CCNT1: variants seen among roughly 807,000 people sequenced by gnomAD.
CCNT1 encodes the protein cyclin T1.
Under a neutral mutation model 67.3 loss-of-function variants are expected in CCNT1, and 18 were observed. The observed-to-expected ratio is 0.27, with a 90% CI of 0.18 to 0.40. The LOEUF is 0.40. CCNT1 is among the 10% of genes least tolerant of loss of function. CCNT1 has a pLI of 1.00. For synonymous variants in CCNT1, 333 were observed against 310.3 expected, an observed-to-expected ratio of 1.07 and a Z score of -0.77; for missense variants, 744 against 884.9, an observed-to-expected ratio of 0.84 and a Z score of 2.02.
chr12:48,711,192 C>G (rs1341421774), intron 2 of CCNT1, among the ~76,000 whole-genome samples: 1 of 151,872 alleles, frequency 6.6e-6, no homozygotes, highest in Non-Finnish European at 1.5e-5. Context: ...CAAGCCTGGC[C>G]AACATAGTGA....
intron 8 of CCNT1, among the ~76,000 whole-genome samples, chr12:48,694,868 A>T (rs529882627): frequency 6.6e-6 from 1 of 152,228 alleles, no homozygotes; most frequent in East Asian, 1.9e-4. Flanking sequence ...TTTGTCATCC[A>T]GGCTGGAGTG....
intron 1 of CCNT1, among the ~76,000 whole-genome samples, chr12:48,714,898 T>C (rs1940510742): frequency 6.6e-6 from 1 of 151,964 alleles, no homozygotes; most frequent in African/African-American, 2.4e-5. Flanking sequence ...CTGAAACCTC[T>C]ACCTCCCAAA....
chr12:48,714,705 C>T (rs7138930), intron 1 of CCNT1, among the ~76,000 whole-genome samples, 181 bp from the exon 2 acceptor site: 112,542 of 152,224 alleles, frequency 0.74, 42,717 homozygotes, highest in East Asian at 0.99. Flanking sequence ...TAATCGCCAA[C>T]TGACACTTAG....
rs144551965 is a variant in CCNT1 at position 48,706,036 on chromosome 12, C to A, written c.244-140G>T. ...CACCTCTTTACCCTTTCCCGCCCCC[C>A]CGCTTCTACCATCTTCCCCTCTCCT... On this transcript the variant is annotated intron_variant, in intron 2 of 8. Coordinates refer to ENST00000261900, the MANE Select transcript of CCNT1 (RefSeq NM_001240.4). 3.1e-4 allele frequency: 204 copies of A among 668,146 alleles called. No homozygotes were observed. In the African/African-American group the frequency reaches 3.4e-3, roughly 11 times the overall value. The allele number at this position is 668,146 out of a possible 1,614,324, so 41.4% of individuals were successfully genotyped here. A position where few individuals can be genotyped will look rare whatever the true frequency, so the allele number is the denominator to read the frequency against.
At chr12:48,714,644 T>C (rs538367199) in intron 1 of CCNT1, 120 bp from the exon 2 acceptor site, 18 of 620,892 alleles carry the variant, frequency 2.9e-5, no homozygotes, top group South Asian at 1.8e-4. Flanking sequence ...ATGAAAATCA[T>C]ACTTATCTCT....
intron 3 of CCNT1, among the ~76,000 whole-genome samples, chr12:48,703,556 A>G (rs183478253): frequency 0.013 from 2,001 of 150,794 alleles, 42 homozygotes; most frequent in African/African-American, 0.047. Context: ...CTGGGCAACA[A>G]GAGCAAAACT....
intron 2 of CCNT1, among the ~76,000 whole-genome samples, chr12:48,709,975 C>T (rs1022072145): frequency 8.6e-5 from 13 of 151,950 alleles, no homozygotes. Context: ...ACTGCAACCT[C>T]CACCTCCCGG....
chr12:48,703,285 C>CA (rs1244252715), intron 3 of CCNT1, among the ~76,000 whole-genome samples: 1 of 151,444 alleles, frequency 6.6e-6, no homozygotes, highest in Non-Finnish European at 1.5e-5. Flanking sequence ...TCAAAAAAAA[C>CA]AAAGCTGGCT....
intron 2 of CCNT1, among the ~76,000 whole-genome samples, chr12:48,706,865 G>C (rs1940368641): frequency 6.6e-6 from 1 of 152,060 alleles, no homozygotes; most frequent in Non-Finnish European, 1.5e-5. Flanking sequence ...TCAACTCATA[G>C]TATTGATTTC....
intron 6 of CCNT1, 50 bp downstream of exon 6, chr12:48,698,088 G>A (rs780086066): frequency 8.1e-7 from 1 of 1,235,044 alleles, no homozygotes; most frequent in Non-Finnish European, 1.1e-6. Context: ...TCAAACTCAA[G>A]TAAAGTCCTA....
chr12:48,710,046 C>CA (rs1305771563), intron 2 of CCNT1, among the ~76,000 whole-genome samples: 1 of 152,062 alleles, frequency 6.6e-6, no homozygotes, highest in Non-Finnish European at 1.5e-5. Context: ...TGCACGCCAC[C>CA]ATGCCCGGCT....
Position 48,693,555 on chromosome 12 carries a change from G to A in CCNT1, c.1659C>T (p.Asn553=). 1 of 1,614,132 alleles carries A rather than the reference G, an allele frequency of 6.2e-7. No homozygotes were observed. The highest frequency in any genetic ancestry group is 8.5e-7 in the Non-Finnish European group (1 of 1,180,042). The stretch of plus-strand genomic sequence containing the variant: ...ACAAGCTATAGGTTTTATGTGCTAA[G>A]TTGCTTGTCTGGCTACTATGTTTTG... ...GDPKHSSQTS[N]LAHKTYSLSS... The change falls in exon 9 of 9, where the codon AAC becomes AAT. Residue 553 remains asparagine, a synonymous_variant. Transcript: ENST00000261900.
chr12:48,704,418 C>T (rs907390850), intron 3 of CCNT1, among the ~76,000 whole-genome samples: 13 of 152,168 alleles, frequency 8.5e-5, no homozygotes, highest in African/African-American at 2.9e-4. Flanking sequence ...ACTGCCCATG[C>T]AAGGGATCTA....
At chr12:48,696,611 A>C (rs1940173064) in intron 6 of CCNT1, among the ~76,000 whole-genome samples, 1 of 152,214 alleles carries the variant, frequency 6.6e-6, no homozygotes, top group African/African-American at 2.4e-5. Context: ...TTAAGGAAAT[A>C]TCTTAAAAAT....
At chr12:48,709,314 GGA>G (rs1940412960) in intron 2 of CCNT1, among the ~76,000 whole-genome samples, 1 of 152,094 alleles carries the variant, frequency 6.6e-6, no homozygotes, top group Non-Finnish European at 1.5e-5. Context: ...TTGTTAGGGT[GGA>G]AAGAAAAGGA....
intron 8 of CCNT1, among the ~76,000 whole-genome samples, 184 bp downstream of exon 8, chr12:48,695,575 T>C (rs1381126605): frequency 6.6e-6 from 1 of 152,204 alleles, no homozygotes; most frequent in African/African-American, 2.4e-5. Context: ...AAGCAAATCC[T>C]GCTATCCCAT....
At chr12:48,707,285 T>C (rs1011293303) in intron 2 of CCNT1, among the ~76,000 whole-genome samples, 2 of 145,682 alleles carry the variant, frequency 1.4e-5, no homozygotes, top group African/African-American at 5.5e-5. Context: ...ATTTTTTTTC[T>C]TTCTTTTTTT....
rs1176574446 is a variant in CCNT1, at chr12:48,693,391, G to A, written c.1823C>T (p.Pro608Leu). The A allele has an allele frequency of 1.2e-6, 2 of 1,614,102 alleles. No homozygotes were observed. The highest frequency in any genetic ancestry group is 1.6e-4 in the Middle Eastern group (1 of 6,084). Reference protein sequence around the residue: ...SSLNFSFPSLPTMGQMPGHSS... With the variant: ...SSLNFSFPSLLTMGQMPGHSS... ...ATGCCCAGGCATCTGACCCATTGTA[G>A]GAAGTGAAGGGAAGGAGAAATTTAG... The change falls in exon 9 of 9, where the codon CCT becomes CTT. Residue 608 changes from proline (P) to leucine (L), a missense_variant. Coordinates refer to ENST00000261900, the MANE Select transcript of CCNT1 (RefSeq NM_001240.4).
rs1940504220 is a variant in CCNT1 at position 48,714,511 on chromosome 12, T to C, written c.175A>G (p.Ile59Val). Reference sequence around the variant, plus strand: ...TGCATGTATACTATAGCAGTGTTGATAGTCAATTGTGAGCTGAAGTGTTCA... The same window carrying C: ...TGCATGTATACTATAGCAGTGTTGACAGTCAATTGTGAGCTGAAGTGTTCA... ...GQRLNVSQLT[I>V]NTAIVYMHRF... Residue 59 changes from isoleucine (I) to valine (V), a missense_variant, in exon 2 of 9, where the codon ATC (isoleucine) becomes GTC (valine). Coordinates refer to ENST00000261900, the MANE Select transcript of CCNT1 (RefSeq NM_001240.4). 4 of 1,608,442 alleles carry C rather than the reference T, an allele frequency of 2.5e-6. No individual in the cohort carries two copies. Among genetic ancestry groups the C allele is most frequent in the Non-Finnish European group, 1.7e-6 (2 of 1,175,148 alleles).
Sources: allele counts gnomAD v4.1 joint callset (sites outside exome capture counted in the v4.1 genomes callset), GRCh38; gene constraint gnomAD v4.1.1; transcripts MANE v1.5; gene names NCBI Gene and HGNC (gene_info 2026-07-23, HGNC 2026-07-21).